Variants in GHRHR observed in about 807,000 individuals in gnomAD.
GHRHR encodes growth hormone-releasing hormone receptor.
A neutral mutation model predicts 58.3 loss-of-function variants in GHRHR; 40 were observed. The ratio of observed to expected loss-of-function variants is 0.69; its 90% confidence interval spans 0.53 to 0.89. The LOEUF (loss-of-function observed/expected upper bound fraction) is 0.89, where lower values mean the gene tolerates loss of function less well. GHRHR is among the 40% of genes least tolerant of loss of function. GHRHR has a pLI of 0.00. For synonymous variants in GHRHR, 249 were observed against 216.6 expected (o/e 1.15, Z -1.31); for missense variants, 551 against 541.3 (o/e 1.02, Z -0.18).
chr7:30,970,918 C>T (rs1792467741), intron 4 of GHRHR: 2 of 642,732 alleles, frequency 3.1e-6, no homozygotes, highest in Admixed American at 4.4e-5. Flanking sequence ...CCTCCCTCAC[C>T]CGCAGGTCAG....
At chr7:30,974,907 A>G (rs1420557867) in intron 8 of GHRHR, 64 bp from the exon 9 acceptor site, 1 of 1,006,224 alleles carries the variant, frequency 9.9e-7, no homozygotes, top group Middle Eastern at 2.0e-4. Flanking sequence ...CCTGAGAGGG[A>G]GGTGCCTGCG....
intron 12 of GHRHR, among the ~76,000 whole-genome samples, chr7:30,977,608 A>G (rs1264719323): frequency 6.6e-6 from 1 of 152,116 alleles, no homozygotes; most frequent in Non-Finnish European, 1.5e-5. Context: ...TAGGGTAGGG[A>G]GTCAGAAGGA....
intron 6 of GHRHR, among the ~76,000 whole-genome samples, 164 bp from the exon 7 acceptor site, chr7:30,973,821 C>G (rs1792521957): frequency 6.6e-6 from 1 of 152,168 alleles, no homozygotes; most frequent in Admixed American, 6.5e-5. Context: ...GCTCTTAACC[C>G]TCACTGTATA....
chr7:30,964,225 C>T (rs994328636), intron 1 of GHRHR, 100 bp downstream of exon 1: 1 of 1,076,076 alleles, frequency 9.3e-7, no homozygotes, highest in Non-Finnish European at 1.4e-6. Flanking sequence ...CTGCCCTTCT[C>T]CTGCTCTAGA....
At chr7:30,967,623 A>C (rs979393581) in intron 1 of GHRHR, among the ~76,000 whole-genome samples, 1 of 60,626 alleles carries the variant, frequency 1.6e-5, no homozygotes, top group Non-Finnish European at 3.0e-5. Context: ...CCACCTCCCC[A>C]GCCATATATT....
chr7:30,971,341 C>A (rs555069923), intron 5 of GHRHR, 125 bp downstream of exon 5: 37 of 701,688 alleles, frequency 5.3e-5, no homozygotes, highest in African/African-American at 4.9e-4. Flanking sequence ...CCATGTCTAA[C>A]TTTCCCTTCC....
rs749787094 is a variant in GHRHR, at chr7:30,974,496, C to T, written c.812+7C>T. The stretch of plus-strand genomic sequence containing the variant: ...TGGCCTTCGAGGACATCGCGTGAGT[C>T]GGAGCGGCCACCTTGTCATACCCGC... On this transcript the variant is annotated splice_region_variant and intron_variant, in intron 8 of 12. Coordinates refer to ENST00000326139, the MANE Select transcript of GHRHR (RefSeq NM_000823.4). The T allele has an allele frequency of 3.1e-5, 49 of 1,603,902 alleles. No individual in the cohort carries two copies. Among genetic ancestry groups the T allele is most frequent in the Admixed American group, 1.7e-4 (10 of 60,000 alleles).
chr7:30,976,687 G>C (rs1411487498), intron 11 of GHRHR, 129 bp downstream of exon 11: 2 of 771,310 alleles, frequency 2.6e-6, no homozygotes, highest in Admixed American at 4.3e-5. Context: ...TCAAATATCT[G>C]TCTGTCTGTC....
At chr7:30,970,740 A>T (rs919234911) in intron 4 of GHRHR, among the ~76,000 whole-genome samples, 21 of 152,100 alleles carry the variant, frequency 1.4e-4, no homozygotes, top group African/African-American at 4.8e-4. Context: ...TATCTCCTTT[A>T]TTTGGATACA....
chr7:30,977,395 C>A, intron 12 of GHRHR, 73 bp downstream of exon 12: 1 of 1,298,156 alleles, frequency 7.7e-7, no homozygotes, highest in South Asian at 1.2e-5. Flanking sequence ...TCCTCTCTCC[C>A]ACTCAGGCCC....
Position 30,979,242 on chromosome 7 carries a change from T to C in GHRHR, c.1270T>C (p.Ter424GlnextTer62), listed in dbSNP as rs1792645808. The C allele has an allele frequency of 6.2e-7, 1 of 1,613,674 alleles. No homozygotes were observed. The highest frequency in any genetic ancestry group is 1.3e-5 in the African/African-American group (1 of 74,946). ...SAAKVLTSMC[*>Q] Reference sequence around the variant, plus strand: ...GGCAAAGGTGCTGACATCTATGTGCTAGGCTGCCTCATCACGCCACTGGAG... The same window carrying C: ...GGCAAAGGTGCTGACATCTATGTGCCAGGCTGCCTCATCACGCCACTGGAG... Residue 424 changes from the stop codon to glutamine, a stop_lost, in exon 13 of 13, where the codon TAG becomes CAG. Coordinates refer to ENST00000326139, the MANE Select transcript of GHRHR (RefSeq NM_000823.4).
At chr7:30,978,816 A>G (rs578050350) in intron 12 of GHRHR, among the ~76,000 whole-genome samples, 1 of 152,336 alleles carries the variant, frequency 6.6e-6, no homozygotes, top group Non-Finnish European at 1.5e-5. Flanking sequence ...TTAAGAGAGA[A>G]CAGGGTGGTT....
At chr7:30,969,643 C>G in intron 3 of GHRHR, 3 of 625,992 alleles carry the variant, frequency 4.8e-6, no homozygotes, top group Non-Finnish European at 8.6e-6. Flanking sequence ...GAATAATCCT[C>G]TTTGTGAAGA....
rs1275123592 is a variant in GHRHR, at chr7:30,964,029, C to T, written c.-40C>T. On this transcript the variant is annotated 5_prime_UTR_variant, in exon 1 of 13. Transcript: ENST00000326139. ...AGCAGGGGAAGGAAGATAGCCAAGG[C>T]TTACTGAGGCTGGTGGAGGGAGCCA... The T allele has an allele frequency of 6.5e-7, 1 of 1,532,082 alleles. No individual in the cohort carries two copies. The highest frequency in any genetic ancestry group is 8.8e-7 in the Non-Finnish European group (1 of 1,130,048). The allele number at this position is 1,532,082 out of a possible 1,614,324, so 94.9% of individuals were successfully genotyped here. A position where few individuals can be genotyped will look rare whatever the true frequency, so the allele number is the denominator to read the frequency against.
intron 1 of GHRHR, among the ~76,000 whole-genome samples, chr7:30,968,511 C>CGACT (rs1207637283): frequency 6.6e-6 from 1 of 151,938 alleles, no homozygotes; most frequent in Non-Finnish European, 1.5e-5. Context: ...TTGGGCAAGT[C>CGACT]GGTCAACCCT....
intron 6 of GHRHR, 102 bp from the exon 7 acceptor site, chr7:30,973,883 A>G (rs1792523363): frequency 3.3e-6 from 4 of 1,200,166 alleles, no homozygotes; most frequent in East Asian, 4.7e-5. Flanking sequence ...CCAGCCTAAC[A>G]TGGAGGGGCC....
intron 1 of GHRHR, among the ~76,000 whole-genome samples, chr7:30,965,751 A>C (rs889726205): frequency 4.6e-5 from 7 of 152,026 alleles, no homozygotes; most frequent in Non-Finnish European, 1.0e-4. Flanking sequence ...TGCAGTAGGC[A>C]GAAGGATAGG....
At chr7:30,973,882 C>T (rs1792523319) in intron 6 of GHRHR, 103 bp from the exon 7 acceptor site, 3 of 1,184,764 alleles carry the variant, frequency 2.5e-6, no homozygotes, top group East Asian at 4.7e-5. Flanking sequence ...CCCAGCCTAA[C>T]ATGGAGGGGC....
At position 30,976,675 on chromosome 7, in the gene GHRHR, A is replaced by T. The variant is rs137911648; in HGVS notation, c.1104+117A>T. On this transcript the variant is annotated intron_variant, in intron 11 of 12. Coordinates refer to ENST00000326139, the MANE Select transcript of GHRHR (RefSeq NM_000823.4). ...TGAGGGCTATGTTTTTCATCCATCT[A>T]TTCAAATATCTGTCTGTCTGTCCAT... The T allele has an allele frequency of 1.3e-5, 11 of 842,814 alleles. No individual in the cohort carries two copies. In the Admixed American group the frequency reaches 2.1e-4, roughly 16 times the overall value. 52.2% of individuals were successfully genotyped at this position (842,814 alleles called of 1,614,324 possible).
Sources: allele counts gnomAD v4.1 joint callset (sites outside exome capture counted in the v4.1 genomes callset), GRCh38; gene constraint gnomAD v4.1.1; transcripts MANE v1.5; gene names NCBI Gene and HGNC (gene_info 2026-07-23, HGNC 2026-07-21).